Variants in TENM2 observed in about 807,000 individuals in gnomAD.
TENM2 encodes teneurin-2.
Under a neutral mutation model 245.2 loss-of-function variants are expected in TENM2, and 52 were observed. That is an observed-to-expected ratio of 0.21 (90% CI 0.17 to 0.27). The LOEUF (loss-of-function observed/expected upper bound fraction) is 0.27. TENM2 is among the 10% of genes least tolerant of loss of function. The pLI is 1.00. For missense variants in TENM2, 3,046 were observed against 3,666.8 expected, an observed-to-expected ratio of 0.83 and a Z score of 4.37; for synonymous variants, 1,363 against 1,438.9, an observed-to-expected ratio of 0.95 and a Z score of 1.19.
intron 2 of TENM2, among the ~76,000 whole-genome samples, chr5:167,618,835 A>G (rs1010016828): frequency 1.3e-5 from 2 of 152,008 alleles, no homozygotes; most frequent in African/African-American, 4.8e-5. Flanking sequence ...AATGTGTCTT[A>G]TTTTCTCCAC....
the TENM2 span, among the ~76,000 whole-genome samples, chr5:167,094,449 G>A: frequency 6.6e-6 from 1 of 152,078 alleles, no homozygotes; most frequent in South Asian, 2.1e-4. Context: ...GATAATATGT[G>A]AGAAGATTCA....
intron 2 of TENM2, among the ~76,000 whole-genome samples, chr5:167,704,630 A>G (rs1002542573): frequency 3.3e-5 from 5 of 152,192 alleles, no homozygotes; most frequent in Non-Finnish European, 7.3e-5. Flanking sequence ...ACAGGCCAGA[A>G]AAAATCAAGG....
At chr5:167,240,434 G>A in the TENM2 span, among the ~76,000 whole-genome samples, 1 of 151,628 alleles carries the variant, frequency 6.6e-6, no homozygotes, top group East Asian at 1.9e-4. Flanking sequence ...TCATTCTGCC[G>A]ATCTTTTACC....
chr5:167,020,995 T>G, the TENM2 span, among the ~76,000 whole-genome samples: 1 of 151,968 alleles, frequency 6.6e-6, no homozygotes, highest in Non-Finnish European at 1.5e-5. Flanking sequence ...ATACAAAAAA[T>G]TAGCTGGGCA....
intron 13 of TENM2, chr5:168,187,601 T>C (rs190570999): frequency 6.6e-6 from 1 of 152,220 alleles, no homozygotes. Flanking sequence ...AGGTTATTTT[T>C]TAAATCTGAA....
intron 5 of TENM2, among the ~76,000 whole-genome samples, chr5:168,001,186 T>G (rs1784395814): frequency 6.6e-6 from 1 of 152,180 alleles, no homozygotes; most frequent in Admixed American, 6.5e-5. Context: ...TTTCTTGATG[T>G]GGTAATTGCC....
the TENM2 span, among the ~76,000 whole-genome samples, chr5:167,004,266 C>T: frequency 6.6e-6 from 1 of 152,142 alleles, no homozygotes; most frequent in Non-Finnish European, 1.5e-5. Flanking sequence ...ATTTTTACAT[C>T]TCATTGGAAC....
rs536562395 is a variant in TENM2 at position 168,185,815 on chromosome 5, T to G, written c.2570-4522T>G. 6.3e-5 allele frequency among the ~76,000 whole-genome samples: 8 copies of G among 126,796 alleles called. No individual in the cohort carries two copies. The South Asian group carries it at 1.9e-3, about 30-fold the overall frequency. 83.2% of individuals were successfully genotyped at this position (126,796 alleles called of 152,430 possible). ...AATATAAGGGAATATTAATTTCATT[T>G]ACTTTTGCATCTTTTTTTTTAAAAT... On this transcript the variant is annotated intron_variant, in intron 13 of 28. Transcript: ENST00000518659.
At chr5:167,209,006 A>T in the TENM2 span, among the ~76,000 whole-genome samples, 5 of 152,340 alleles carry the variant, frequency 3.3e-5, no homozygotes, top group East Asian at 9.7e-4. Flanking sequence ...AAGTGGGAGA[A>T]TCAGGAAGCT....
At chr5:167,615,780 G>A (rs949347991) in intron 2 of TENM2, among the ~76,000 whole-genome samples, 31 of 152,040 alleles carry the variant, frequency 2.0e-4, no homozygotes, top group African/African-American at 7.2e-4. Flanking sequence ...TCACCAATTA[G>A]TTTGAATGTT....
At chr5:167,105,477 C>T in the TENM2 span, among the ~76,000 whole-genome samples, 1 of 152,162 alleles carries the variant, frequency 6.6e-6, no homozygotes, top group African/African-American at 2.4e-5. Flanking sequence ...GTGAGTCTAA[C>T]ACCACGCCTA....
chr5:167,775,051 C>T (rs888642590), intron 2 of TENM2, among the ~76,000 whole-genome samples: 2 of 152,098 alleles, frequency 1.3e-5, no homozygotes, highest in Non-Finnish European at 2.9e-5. Context: ...CTCACCGCAA[C>T]CTCCACCTCC....
At chr5:167,946,467 T>C (rs1456930480) in intron 3 of TENM2, among the ~76,000 whole-genome samples, 1 of 152,212 alleles carries the variant, frequency 6.6e-6, no homozygotes, top group African/African-American at 2.4e-5. Context: ...TTTCTCCTGA[T>C]TCAAGCAGCA....
chr5:168,196,189 G>A (rs943099279), intron 15 of TENM2, among the ~76,000 whole-genome samples: 8 of 152,094 alleles, frequency 5.3e-5, no homozygotes, highest in African/African-American at 1.9e-4. Flanking sequence ...GAAGAGTCTG[G>A]CCTTATTTTC....
the TENM2 span, among the ~76,000 whole-genome samples, chr5:167,273,801 G>A: frequency 1.3e-5 from 2 of 152,086 alleles, no homozygotes; most frequent in African/African-American, 4.8e-5. Flanking sequence ...TTTTTAAAAA[G>A]GGGTGTTTGT....
chr5:168,137,275 G>C, intron 12 of TENM2, among the ~76,000 whole-genome samples: 1 of 152,314 alleles, frequency 6.6e-6, no homozygotes, highest in East Asian at 1.9e-4. Flanking sequence ...GCCCAGAAGG[G>C]TCATCTTTCC....
chr5:167,214,154 G>A, the TENM2 span, among the ~76,000 whole-genome samples: 6 of 152,166 alleles, frequency 3.9e-5, no homozygotes, highest in African/African-American at 9.7e-5. Flanking sequence ...TGAAACTGTC[G>A]TGTGATGGTA....
chr5:168,072,991 C>G (rs1006377114), intron 7 of TENM2, among the ~76,000 whole-genome samples: 1 of 152,188 alleles, frequency 6.6e-6, no homozygotes, highest in African/African-American at 2.4e-5. Flanking sequence ...ATTCCTGTCT[C>G]CTCCCCATCC....
chr5:167,351,251 T>C (rs1336238579), intron 1 of TENM2, among the ~76,000 whole-genome samples: 1 of 151,812 alleles, frequency 6.6e-6, no homozygotes, highest in Non-Finnish European at 1.5e-5. Context: ...CTTATTCCCA[T>C]GAAATTTGAA....
Sources: allele counts gnomAD v4.1 joint callset (sites outside exome capture counted in the v4.1 genomes callset), GRCh38; gene constraint gnomAD v4.1.1; transcripts MANE v1.5; gene names NCBI Gene and HGNC (gene_info 2026-07-23, HGNC 2026-07-21).